The following COX14 variants were observed in gnomAD, a reference collection of about 807,000 sequenced individuals.
COX14 encodes cytochrome c oxidase assembly protein COX14.
COX14 carries 3 observed loss-of-function variants against 5.8 expected under a neutral mutation model. The observed-to-expected ratio is 0.51, with a 90% CI of 0.23 to 1.33. COX14 has a LOEUF of 1.33. COX14 is among the 40% of genes most tolerant of loss of function. The probability of loss-of-function intolerance (pLI) is 0.18; values close to 1 mark genes in which losing one functional copy is unlikely to be tolerated. For synonymous variants in COX14, 25 were observed against 26.1 expected (o/e 0.96, Z 0.13); for missense variants, 72 against 72.1 (o/e 1.00, Z 0.01).
rs1303849734 is a variant in COX14 at position 50,119,399 on chromosome 12, G to A, written c.-8-637G>A. Among the ~76,000 whole-genome samples, 5 of 152,322 alleles carry A rather than the reference G, an allele frequency of 3.3e-5. No homozygotes were observed. In the East Asian group the frequency reaches 7.7e-4, roughly 23 times the overall value. On this transcript the variant is annotated intron_variant, in intron 1 of 1. Coordinates refer to ENST00000550487, the MANE Select transcript of COX14 (RefSeq NM_032901.4). ...TGCTTGCTTAATGTTACCAGTTAGAGCAGCCCTGGCTGGTGCAGTGGCTCA... is the reference window on the plus strand; with the variant it reads ...TGCTTGCTTAATGTTACCAGTTAGAACAGCCCTGGCTGGTGCAGTGGCTCA...
At chr12:50,118,850 C>T (rs1314646861) in intron 1 of COX14, among the ~76,000 whole-genome samples, 2 of 152,078 alleles carry the variant, frequency 1.3e-5, no homozygotes, top group African/African-American at 2.4e-5. Flanking sequence ...AAACCTATCT[C>T]GCTAATTTCA....
chr12:50,114,872 A>G (rs909572280), intron 1 of COX14, among the ~76,000 whole-genome samples: 11 of 134,478 alleles, frequency 8.2e-5, no homozygotes, highest in African/African-American at 1.1e-4. Context: ...GGTTCAAGCA[A>G]TTCTCCTGCG....
rs961281937 is a variant in COX14, at chr12:50,114,060, C to G, written c.-9+1759C>G. On this transcript the variant is annotated intron_variant, in intron 1 of 1. Transcript: ENST00000550487. The stretch of plus-strand genomic sequence containing the variant: ...TCAGGCAAGCCTCCCACCCAAACCT[C>G]CCTAGTAGCTGGGACTGCAGGTGCA... 3.9e-5 allele frequency among the ~76,000 whole-genome samples: 6 copies of G among 151,910 alleles called. No individual in the cohort carries two copies. The South Asian group carries it at 1.2e-3, about 32-fold the overall frequency.
intron 1 of COX14, among the ~76,000 whole-genome samples, chr12:50,119,158 A>T (rs1262611431): frequency 1.3e-5 from 2 of 152,232 alleles, no homozygotes; most frequent in Admixed American, 6.5e-5. Flanking sequence ...GAAATAATAT[A>T]AAAGTACTTT....
chr12:50,112,531 C>G, intron 1 of COX14: 1 of 944,528 alleles, frequency 1.1e-6, no homozygotes, highest in Non-Finnish European at 1.3e-6. Flanking sequence ...CTAATCCTGT[C>G]AAACCTCGAC....
intron 1 of COX14, among the ~76,000 whole-genome samples, chr12:50,113,733 A>G (rs1951052617): frequency 1.3e-5 from 2 of 151,006 alleles, no homozygotes. Context: ...CCCGGGTTCA[A>G]ATGATTCTCC....
At chr12:50,119,132 A>G (rs1951108107) in intron 1 of COX14, among the ~76,000 whole-genome samples, 1 of 152,206 alleles carries the variant, frequency 6.6e-6, no homozygotes, top group Non-Finnish European at 1.5e-5. Flanking sequence ...AATACTGTAG[A>G]AGGTTAAGTA....
At chr12:50,118,763 T>C (rs983181646) in intron 1 of COX14, among the ~76,000 whole-genome samples, 11 of 152,178 alleles carry the variant, frequency 7.2e-5, no homozygotes, top group African/African-American at 2.7e-4. Context: ...TGAGACTCCG[T>C]CTCAAAAAAT....
At position 50,112,251 on chromosome 12, in the gene COX14, C is replaced by A; in HGVS notation, c.-59C>A. On this transcript the variant is annotated 5_prime_UTR_variant, in exon 1 of 2. It adds an upstream start codon to the 5' untranslated region. Transcript: ENST00000550487. ...TTGCGTAGACAGTGGCCTCGAGACC[C>A]TGCCTGCCTGAGGAGGCCTCGGTTG... The A allele has an allele frequency of 1.0e-6, 1 of 969,812 alleles. No homozygotes were observed. Among genetic ancestry groups the A allele is most frequent in the Non-Finnish European group, 1.2e-6 (1 of 815,630 alleles). The allele number at this position is 969,812 out of a possible 1,614,324, so 60.1% of individuals were successfully genotyped here.
intron 1 of COX14, among the ~76,000 whole-genome samples, chr12:50,114,882 G>A (rs918336476): frequency 7.4e-6 from 1 of 135,726 alleles, no homozygotes; most frequent in Non-Finnish European, 1.5e-5. Flanking sequence ...ATTCTCCTGC[G>A]TCAGCCTCCA....
At chr12:50,115,797 T>TGGGCTCAACGATCC (rs1951076103) in intron 1 of COX14, among the ~76,000 whole-genome samples, 1 of 151,128 alleles carries the variant, frequency 6.6e-6, no homozygotes, top group Non-Finnish European at 1.5e-5. Context: ...ACGATCCGTC[T>TGGGCTCAACGATCC]GTCTTTGCCT....
intron 1 of COX14, among the ~76,000 whole-genome samples, chr12:50,119,337 C>T (rs1393879787): frequency 6.6e-6 from 1 of 152,228 alleles, no homozygotes; most frequent in Admixed American, 6.5e-5. Flanking sequence ...TTCATTTCTG[C>T]TACCTCCATT....
At chr12:50,112,755 C>T (rs1951038499) in intron 1 of COX14, 1 of 143,386 alleles carries the variant, frequency 7.0e-6, no homozygotes. Flanking sequence ...CACCCCGATT[C>T]CCACCCCTAC....
chr12:50,117,620 C>T (rs1440467661), intron 1 of COX14, among the ~76,000 whole-genome samples: 7 of 151,138 alleles, frequency 4.6e-5, no homozygotes, highest in Admixed American at 6.6e-5. Context: ...ACTCTGTTGC[C>T]CAGGTTGGAG....
intron 1 of COX14, among the ~76,000 whole-genome samples, chr12:50,113,303 A>ATTT: frequency 7.2e-6 from 1 of 138,874 alleles, no homozygotes. Flanking sequence ...CGTTTACGCA[A>ATTT]TTTTTTTTTT....
intron 1 of COX14, among the ~76,000 whole-genome samples, chr12:50,115,112 C>T (rs1384956775): frequency 7.0e-6 from 1 of 142,436 alleles, no homozygotes. Flanking sequence ...CGCTGTGTTG[C>T]CTAGGCGTAG....
chr12:50,112,519 C>T (rs1951034540), intron 1 of COX14: 1 of 975,604 alleles, frequency 1.0e-6, no homozygotes, highest in African/African-American at 1.7e-5. Flanking sequence ...TAGAGCTCAG[C>T]GCTAATCCTG....
At chr12:50,113,411 C>T (rs1165643809) in intron 1 of COX14, among the ~76,000 whole-genome samples, 1 of 148,930 alleles carries the variant, frequency 6.7e-6, no homozygotes, top group East Asian at 2.0e-4. Context: ...TCATGCCATT[C>T]TCCTGCCTCA....
At chr12:50,118,972 C>T (rs1951106787) in intron 1 of COX14, among the ~76,000 whole-genome samples, 1 of 152,140 alleles carries the variant, frequency 6.6e-6, no homozygotes, top group Non-Finnish European at 1.5e-5. Flanking sequence ...TAAACTTTCT[C>T]TTGTTTCCTA....
Sources: allele counts gnomAD v4.1 joint callset (sites outside exome capture counted in the v4.1 genomes callset), GRCh38; gene constraint gnomAD v4.1.1; transcripts MANE v1.5; gene names NCBI Gene and HGNC (gene_info 2026-07-23, HGNC 2026-07-21).